The following TMEM74 variants were observed in gnomAD, a reference collection of about 807,000 sequenced individuals.
The protein encoded by TMEM74 is transmembrane protein 74.
A neutral mutation model predicts 18.1 loss-of-function variants in TMEM74; 13 were observed. The observed-to-expected ratio is 0.72, with a 90% CI of 0.47 to 1.14. TMEM74 has a LOEUF of 1.14. Ranked by LOEUF, TMEM74 falls within the 50% of genes most tolerant of loss-of-function variation. The pLI is 0.00. For synonymous variants in TMEM74, 159 were observed against 146.6 expected, an observed-to-expected ratio of 1.08 and a Z score of -0.61; for missense variants, 372 against 375.9, an observed-to-expected ratio of 0.99 and a Z score of 0.09.
intron 2 of TMEM74, chr8:108,652,912 T>G: frequency 2.5e-6 from 1 of 407,070 alleles, no homozygotes; most frequent in Non-Finnish European, 4.8e-6. Context: ...CAGTGCCCTG[T>G]GTGAAGAGCG....
chr8:108,675,184 T>A (rs1813044344), intron 1 of TMEM74, among the ~76,000 whole-genome samples: 1 of 152,196 alleles, frequency 6.6e-6, no homozygotes, highest in South Asian at 2.1e-4. Flanking sequence ...CAGCAGCATA[T>A]CCTTCATTGA....
At chr8:108,755,422 T>C (rs760305427) in intron 1 of TMEM74, among the ~76,000 whole-genome samples, 1 of 152,102 alleles carries the variant, frequency 6.6e-6, no homozygotes, top group African/African-American at 2.4e-5. Flanking sequence ...TCATACAGCA[T>C]AGAAAACTAA....
At chr8:108,653,655 ATTG>A (rs1262812506) in intron 2 of TMEM74, among the ~76,000 whole-genome samples, 1 of 152,148 alleles carries the variant, frequency 6.6e-6, no homozygotes, top group African/African-American at 2.4e-5. Context: ...ATAAATAATT[ATTG>A]TTGTATAAAA....
At chr8:108,609,261 A>G (rs1222132049) in intron 2 of TMEM74, among the ~76,000 whole-genome samples, 3 of 152,252 alleles carry the variant, frequency 2.0e-5, no homozygotes, top group African/African-American at 7.2e-5. Context: ...TGGAAATTTC[A>G]TCTAAAATAA....
chr8:108,773,464 G>C (rs1003383863), intron 1 of TMEM74, among the ~76,000 whole-genome samples: 6 of 152,110 alleles, frequency 3.9e-5, no homozygotes, highest in Admixed American at 1.3e-4. Context: ...TGAGAGTGAA[G>C]GTTTTAAAAT....
intron 1 of TMEM74, among the ~76,000 whole-genome samples, chr8:108,768,180 T>A (rs970127586): frequency 1.7e-4 from 26 of 152,124 alleles, no homozygotes; most frequent in Non-Finnish European, 2.9e-5. Flanking sequence ...TCCCATTAAA[T>A]CTTGTGCTTT....
intron 1 of TMEM74, among the ~76,000 whole-genome samples, chr8:108,678,587 G>A (rs1372312307): frequency 1.3e-5 from 2 of 150,352 alleles, no homozygotes; most frequent in Non-Finnish European, 3.0e-5. Context: ...TGGCCAGGCT[G>A]GTCTCGAAAT....
rs574232512 is a variant in TMEM74, at chr8:108,640,808, G to T, written n.264+14485C>A. On this transcript the variant is annotated intron_variant and non_coding_transcript_variant, in intron 2 of 3. Coordinates refer to the TMEM74 transcript ENST00000518838. ...TTTCATCAGTTAGCATCAGGGCCAAGAAACACTTATGTAAACAGTGAGATT... is the reference window on the plus strand; with the variant it reads ...TTTCATCAGTTAGCATCAGGGCCAATAAACACTTATGTAAACAGTGAGATT... Among the ~76,000 whole-genome samples the T allele has an allele frequency of 2.8e-4, 43 of 152,248 alleles. No individual in the cohort carries two copies. In the Middle Eastern group the frequency reaches 0.017, roughly 60 times the overall value.
At chr8:108,666,702 A>T (rs1467807716) in intron 1 of TMEM74, among the ~76,000 whole-genome samples, 1 of 152,194 alleles carries the variant, frequency 6.6e-6, no homozygotes, top group Non-Finnish European at 1.5e-5. Flanking sequence ...TTTACAAGAC[A>T]TAATGTGGTC....
At position 108,780,485 on chromosome 8, in the gene TMEM74, A is replaced by G. The variant is rs752892723; in HGVS notation, c.*3696T>C. 3.3e-5 allele frequency among the ~76,000 whole-genome samples: 5 copies of G among 152,196 alleles called. No homozygotes were observed. Among genetic ancestry groups the G allele is most frequent in the Non-Finnish European group, 5.9e-5 (4 of 68,030 alleles). ...TAGCATGGTGCTCAGTCACTCATTT[A>G]TCAAGATTAAGTCACCCCTTATACT... On this transcript the variant is annotated 3_prime_UTR_variant, in exon 2 of 2. Coordinates refer to ENST00000297459, the MANE Select transcript of TMEM74 (RefSeq NM_153015.3).
chr8:108,652,550 TTTGG>T (rs1354611361), intron 2 of TMEM74: 4 of 556,752 alleles, frequency 7.2e-6, no homozygotes, highest in Non-Finnish European at 1.3e-5. Flanking sequence ...TCTCAAACAA[TTTGG>T]TTTTCTGGGT....
intron 1 of TMEM74, among the ~76,000 whole-genome samples, chr8:108,679,348 G>A (rs962399428): frequency 2.0e-5 from 3 of 152,262 alleles, no homozygotes; most frequent in East Asian, 1.9e-4. Flanking sequence ...GGCTGAACTA[G>A]TTTACAGTCC....
intron 2 of TMEM74, among the ~76,000 whole-genome samples, chr8:108,629,870 C>T (rs566483949): frequency 6.6e-6 from 1 of 152,114 alleles, no homozygotes; most frequent in African/African-American, 2.4e-5. Context: ...GTACCAGCCA[C>T]TGCAAAAACA....
Position 108,682,286 on chromosome 8 carries a change from A to G in TMEM74, n.120-26849T>C, listed in dbSNP as rs369487387. Reference sequence around the variant, plus strand: ...TGCATATGCTATTCTCTTCACCCCCACTATGCTGCCTTCACTTTTTACCTA... The same window carrying G: ...TGCATATGCTATTCTCTTCACCCCCGCTATGCTGCCTTCACTTTTTACCTA... On this transcript the variant is annotated intron_variant and non_coding_transcript_variant, in intron 1 of 3. Transcript: ENST00000518838. 2.7e-4 allele frequency among the ~76,000 whole-genome samples: 41 copies of G among 152,048 alleles called. 1 individual carries two copies. The East Asian group carries it at 5.6e-3, about 21-fold the overall frequency.
intron 1 of TMEM74, among the ~76,000 whole-genome samples, chr8:108,728,122 T>C (rs947158513): frequency 6.6e-6 from 1 of 152,214 alleles, no homozygotes; most frequent in African/African-American, 2.4e-5. Context: ...AAATAATTAG[T>C]ATAGCAGCTC....
At position 108,780,630 on chromosome 8, in the gene TMEM74, G is replaced by C. The variant is rs1814293510; in HGVS notation, c.*3551C>G. 6.6e-6 allele frequency among the ~76,000 whole-genome samples: 1 copy of C among 152,126 alleles called. No homozygotes were observed. The highest frequency in any genetic ancestry group is 1.5e-5 in the Non-Finnish European group (1 of 68,024). ...GGGTCCCTAAAACAAATAAGTATGAGGGGGATGAACTCATATTTTAAGCAG... is the reference window on the plus strand; with the variant it reads ...GGGTCCCTAAAACAAATAAGTATGACGGGGATGAACTCATATTTTAAGCAG... On this transcript the variant is annotated 3_prime_UTR_variant, in exon 2 of 2. Transcript: ENST00000297459.
At chr8:108,745,137 CTT>C (rs1813836704) in intron 1 of TMEM74, among the ~76,000 whole-genome samples, 1 of 152,158 alleles carries the variant, frequency 6.6e-6, no homozygotes, top group Non-Finnish European at 1.5e-5. Context: ...AACTTAAACT[CTT>C]CAGCCTCTTT....
intron 1 of TMEM74, among the ~76,000 whole-genome samples, chr8:108,701,578 AT>A (rs1350647733): frequency 6.6e-6 from 1 of 152,216 alleles, no homozygotes; most frequent in African/African-American, 2.4e-5. Flanking sequence ...ACAAAGGTCA[AT>A]TGCTTTCCTA....
At chr8:108,723,284 T>G (rs1369616097) in intron 1 of TMEM74, among the ~76,000 whole-genome samples, 1 of 152,230 alleles carries the variant, frequency 6.6e-6, no homozygotes, top group Non-Finnish European at 1.5e-5. Flanking sequence ...AACATTAATT[T>G]AGGTTCAGTC....
Sources: gnomAD v4.1 joint callset for allele counts (sites outside exome capture counted in the v4.1 genomes callset) on GRCh38, gnomAD v4.1.1 for gene constraint, MANE v1.5 for transcripts, NCBI Gene and HGNC (gene_info 2026-07-23, HGNC 2026-07-21) for gene names.